Variants in CACNG2 observed in about 807,000 individuals in gnomAD.
The protein encoded by CACNG2 is voltage-dependent calcium channel gamma-2 subunit.
A neutral mutation model predicts 25.9 loss-of-function variants in CACNG2; 3 were observed. That is an observed-to-expected ratio of 0.12 (90% CI 0.05 to 0.30). The LOEUF is 0.30. CACNG2 is among the 10% of genes least tolerant of loss of function. The probability of loss-of-function intolerance (pLI) is 1.00; values close to 1 mark genes in which losing one functional copy is unlikely to be tolerated. For missense variants in CACNG2, 341 were observed against 432.5 expected (o/e 0.79, Z 1.88); for synonymous variants, 167 against 173.3 (o/e 0.96, Z 0.29).
intron 1 of CACNG2, among the ~76,000 whole-genome samples, chr22:36,674,224 G>T (rs1025643656): frequency 2.6e-5 from 4 of 152,266 alleles, no homozygotes; most frequent in Non-Finnish European, 5.9e-5. Flanking sequence ...AGGGACAGGG[G>T]TGACCATGGG....
At chr22:36,699,901 G>T (rs1318564623) in intron 1 of CACNG2, among the ~76,000 whole-genome samples, 1 of 152,198 alleles carries the variant, frequency 6.6e-6, no homozygotes, top group African/African-American at 2.4e-5. Context: ...TACTTCCTAA[G>T]TCGCCAAGGC....
Position 36,623,011 on chromosome 22 carries a change from G to GATTTTTTTTTTTTT in CACNG2, c.212-35464_212-35463insAAAAAAAAAAAAAT. 2.1e-5 allele frequency among the ~76,000 whole-genome samples: 2 copies of GATTTTTTTTTTTTT among 93,224 alleles called. 1 individual carries two copies. The highest frequency in any genetic ancestry group is 4.0e-5 in the Non-Finnish European group (2 of 49,902). 61.2% of individuals were successfully genotyped at this position (93,224 alleles called of 152,430 possible). A position where few individuals can be genotyped will look rare whatever the true frequency, so the allele number is the denominator to read the frequency against. On this transcript the variant is annotated intron_variant, in intron 1 of 3. Coordinates refer to ENST00000300105, the MANE Select transcript of CACNG2 (RefSeq NM_006078.5). Reference sequence around the variant, plus strand: ...TTTCTCATTCAGTCTTCAAAACATGGGTTTTTTTTTTTTTTTTTTTTTTTT... The same window carrying GATTTTTTTTTTTTT: ...TTTCTCATTCAGTCTTCAAAACATGGATTTTTTTTTTTTTGTTTTTTTTTTTTTTTTTTTTTTTT...
chr22:36,631,171 C>G (rs1936264219), intron 1 of CACNG2, among the ~76,000 whole-genome samples: 2 of 152,128 alleles, frequency 1.3e-5, no homozygotes, highest in African/African-American at 4.8e-5. Context: ...GATGCAGCAA[C>G]TCGGTACACG....
At chr22:36,684,134 G>A (rs1030346586) in intron 1 of CACNG2, among the ~76,000 whole-genome samples, 4 of 152,192 alleles carry the variant, frequency 2.6e-5, no homozygotes, top group African/African-American at 4.8e-5. Flanking sequence ...CAACGCTTTT[G>A]CAAAGTGAAT....
chr22:36,587,870 G>A lies in CACNG2; in HGVS notation c.212-322C>T, dbSNP rs559157448. 1.5e-4 allele frequency among the ~76,000 whole-genome samples: 23 copies of A among 152,336 alleles called. No homozygotes were observed. The South Asian group carries it at 4.1e-3, about 27-fold the overall frequency. On this transcript the variant is annotated intron_variant, in intron 1 of 3. Coordinates refer to ENST00000300105, the MANE Select transcript of CACNG2 (RefSeq NM_006078.5). ...GCTGGGGACTGCCACGCAGGAGGCC[G>A]ATGAATGCTCCTCAGCCCGTCTCTG...
At chr22:36,690,927 G>C (rs1462447410) in intron 1 of CACNG2, among the ~76,000 whole-genome samples, 1 of 152,090 alleles carries the variant, frequency 6.6e-6, no homozygotes, top group Non-Finnish European at 1.5e-5. Flanking sequence ...CTTTGTGATG[G>C]GGCCTCTGCC....
At chr22:36,702,237 T>G in intron 1 of CACNG2, 129 bp downstream of exon 1, 1 of 650,718 alleles carries the variant, frequency 1.5e-6, no homozygotes, top group Non-Finnish European at 2.7e-6. Context: ...CAACCTTGAT[T>G]GGTGGTGGAA....
rs1935099636 is a variant in CACNG2 at position 36,564,837 on chromosome 22, T to A, written c.486A>T (p.Gly162=). ...TTTTGGAGTCGCTCTTGGAGGGGTC[T>A]CCGGCATTGGCAGATATGTACACTA... ...GIIVYISANA[G]DPSKSDSKKN... Residue 162 remains glycine, a synonymous_variant, in exon 4 of 4, where the codon GGA becomes GGT. Transcript: ENST00000300105. This position sits in a 1 kb window ranked among gnomAD's most constrained non-coding sequence, Gnocchi z 6.7. 6.8e-6 allele frequency: 11 copies of A among 1,614,086 alleles called. No homozygotes were observed. The highest frequency in any genetic ancestry group is 1.1e-5 in the South Asian group (1 of 91,082).
chr22:36,592,530 C>T (rs937788094), intron 1 of CACNG2, among the ~76,000 whole-genome samples: 2 of 152,130 alleles, frequency 1.3e-5, no homozygotes, highest in African/African-American at 4.8e-5. Context: ...CTACAACATT[C>T]GCTGTTGTTT....
intron 1 of CACNG2, among the ~76,000 whole-genome samples, chr22:36,672,310 T>C (rs1936962950): frequency 6.6e-6 from 1 of 152,124 alleles, no homozygotes; most frequent in South Asian, 2.1e-4. Context: ...GTGCACACCA[T>C]ACCACCTGGC....
At chr22:36,581,329 G>A (rs749366009) in intron 2 of CACNG2, among the ~76,000 whole-genome samples, 19 of 152,194 alleles carry the variant, frequency 1.2e-4, no homozygotes, top group Non-Finnish European at 2.8e-4. Context: ...GTTACTCATA[G>A]GCACTGGGGA....
intron 1 of CACNG2, among the ~76,000 whole-genome samples, chr22:36,627,195 G>A (rs1936197100): frequency 6.6e-6 from 1 of 152,098 alleles, no homozygotes; most frequent in South Asian, 2.1e-4. Context: ...AGGACCTGGG[G>A]GAAGGAGGAA....
intron 1 of CACNG2, among the ~76,000 whole-genome samples, chr22:36,596,271 C>T (rs148348948): frequency 1.6e-4 from 25 of 152,276 alleles, no homozygotes; most frequent in Non-Finnish European, 2.9e-4. Context: ...CCTGGCAATA[C>T]CTCCCTGACG....
chr22:36,573,088 T>C (rs1267572056), intron 2 of CACNG2, among the ~76,000 whole-genome samples: 3 of 152,236 alleles, frequency 2.0e-5, no homozygotes, highest in Non-Finnish European at 4.4e-5. Flanking sequence ...TAATGTCACA[T>C]GTAGACAACT....
rs1937442881 is a variant in CACNG2 at position 36,703,565 on chromosome 22, CGCGCGCT to C, written c.-996_-990del. Reference sequence around the variant, plus strand: ...GGACAGCTCCCTGCGCCGCCCGCTCCGCGCGCTCCCCGGCTGGCTCCCAGGGCCGCCC... The same window carrying C: ...GGACAGCTCCCTGCGCCGCCCGCTCCCCCCGGCTGGCTCCCAGGGCCGCCC... On this transcript the variant is annotated 5_prime_UTR_variant, in exon 1 of 4. Transcript: ENST00000300105. 1 of 110,464 alleles carries C rather than the reference CGCGCGCT, an allele frequency of 9.1e-6. No individual in the cohort carries two copies. The highest frequency in any genetic ancestry group is 2.8e-4 in the South Asian group (1 of 3,576). The allele number at this position is 110,464 out of a possible 1,614,324, so 6.8% of individuals were successfully genotyped here.
chr22:36,605,863 A>G (rs543785580), intron 1 of CACNG2, among the ~76,000 whole-genome samples: 1 of 152,340 alleles, frequency 6.6e-6, no homozygotes, highest in African/African-American at 2.4e-5. Flanking sequence ...TGGGAACCGC[A>G]TGCACTTAGA....
Position 36,702,145 on chromosome 22 carries a change from A to G in CACNG2, c.211+221T>C, listed in dbSNP as rs1291707262. Among the ~76,000 whole-genome samples, 4 of 151,888 alleles carry G rather than the reference A, an allele frequency of 2.6e-5. No individual in the cohort carries two copies. The East Asian group carries it at 7.7e-4, about 29-fold the overall frequency. On this transcript the variant is annotated intron_variant, in intron 1 of 3. Coordinates refer to ENST00000300105, the MANE Select transcript of CACNG2 (RefSeq NM_006078.5). The stretch of plus-strand genomic sequence containing the variant: ...TAGATTATTCCAATGAGGATGTTTG[A>G]GGGGATGAGGGGGTGGCGGAGGCGA...
In CACNG2 at chr22:36,564,964, C is replaced by T; in HGVS notation, c.437-78G>A. 7.4e-7 allele frequency: 1 copy of T among 1,356,820 alleles called. No homozygotes were observed. The highest frequency in any genetic ancestry group is 2.3e-5 in the East Asian group (1 of 43,778). The allele number at this position is 1,356,820 out of a possible 1,614,324, so 84.0% of individuals were successfully genotyped here. Reference sequence around the variant, plus strand: ...CTCAGGAAGTCGGCCACAGGGCAGCCGTAAAGGACGGGGACAGCTGTGTGG... The same window carrying T: ...CTCAGGAAGTCGGCCACAGGGCAGCTGTAAAGGACGGGGACAGCTGTGTGG... On this transcript the variant is annotated intron_variant, in intron 3 of 3. Coordinates refer to ENST00000300105, the MANE Select transcript of CACNG2 (RefSeq NM_006078.5). The surrounding 1 kb of genome is among the most constrained non-coding windows in gnomAD (Gnocchi z 6.7).
chr22:36,702,064 G>T (rs1461822718), intron 1 of CACNG2, among the ~76,000 whole-genome samples: 1 of 152,086 alleles, frequency 6.6e-6, no homozygotes, highest in Non-Finnish European at 1.5e-5. Flanking sequence ...TGACTCCAAA[G>T]CAGGCAGAAC....
Sources: allele counts gnomAD v4.1 joint callset (sites outside exome capture counted in the v4.1 genomes callset), GRCh38; gene constraint gnomAD v4.1.1; non-coding constraint Gnocchi (gnomAD v3.1); transcripts MANE v1.5; gene names NCBI Gene and HGNC (gene_info 2026-07-23, HGNC 2026-07-21).